Variants in NOTCH2 observed in about 807,000 individuals in gnomAD.
NOTCH2 encodes the protein notch receptor 2.
NOTCH2 carries 29 observed loss-of-function variants against 235.8 expected under a neutral mutation model. That is an observed-to-expected ratio of 0.12 (90% CI 0.09 to 0.17). The LOEUF is 0.17. NOTCH2 is among the 10% of genes least tolerant of loss of function. The pLI is 1.00. For missense variants in NOTCH2, 2,285 were observed against 3,150.2 expected (o/e 0.73, Z 6.57); for synonymous variants, 1,086 against 1,141.5 (o/e 0.95, Z 0.98).
chr1:120,066,731 C>G (rs61790270), intron 1 of NOTCH2, among the ~76,000 whole-genome samples: 4 of 149,624 alleles, frequency 2.7e-5, no homozygotes, highest in Non-Finnish European at 6.0e-5. Flanking sequence ...CAGAGAGATC[C>G]CAAGAAGTTA....
At chr1:119,985,151 C>A (rs1410134050) in intron 5 of NOTCH2, among the ~76,000 whole-genome samples, 5 of 152,044 alleles carry the variant, frequency 3.3e-5, no homozygotes, top group African/African-American at 7.2e-5. Flanking sequence ...GAAGAAGGAT[C>A]TTAGACTTTC....
intron 5 of NOTCH2, among the ~76,000 whole-genome samples, chr1:119,978,265 T>C (rs1411860857): frequency 6.6e-6 from 1 of 152,032 alleles, no homozygotes; most frequent in Non-Finnish European, 1.5e-5. Flanking sequence ...ATTCTTGTGG[T>C]TGAATTATAA....
chr1:120,001,814 C>A (rs1170702547), intron 3 of NOTCH2, among the ~76,000 whole-genome samples: 3 of 152,214 alleles, frequency 2.0e-5, no homozygotes, highest in African/African-American at 7.2e-5. Context: ...AAGGCATTCA[C>A]TTTATGGCTA....
chr1:119,942,047 G>T (rs1650082418), intron 17 of NOTCH2, among the ~76,000 whole-genome samples: 1 of 152,106 alleles, frequency 6.6e-6, no homozygotes, highest in African/African-American at 2.4e-5. Context: ...TCAAATATGT[G>T]CCCCAATACA....
intron 17 of NOTCH2, among the ~76,000 whole-genome samples, chr1:119,943,031 C>A (rs1225346258): frequency 6.6e-6 from 1 of 152,062 alleles, no homozygotes; most frequent in African/African-American, 2.4e-5. Flanking sequence ...TGCCACCACG[C>A]CTGGCTAATT....
chr1:119,947,030 T>C (rs1376003176), intron 17 of NOTCH2, among the ~76,000 whole-genome samples: 1 of 151,962 alleles, frequency 6.6e-6, no homozygotes, highest in Non-Finnish European at 1.5e-5. Context: ...ATGTAAAAAT[T>C]AACTCAAAAC....
chr1:119,947,353 A>C lies in NOTCH2; in HGVS notation c.2752+1061T>G, dbSNP rs587633702. Among the ~76,000 whole-genome samples the C allele has an allele frequency of 1.2e-4, 18 of 152,286 alleles. No homozygotes were observed. The East Asian group carries it at 3.5e-3, about 29-fold the overall frequency. ...ACCTAATTATTTCAAATGGGCAAAAAATTTAAATAGACATTTCACCAACGA... is the reference window on the plus strand; with the variant it reads ...ACCTAATTATTTCAAATGGGCAAAACATTTAAATAGACATTTCACCAACGA... On this transcript the variant is annotated intron_variant, in intron 17 of 33. Transcript: ENST00000256646.
rs141606816 is a variant in NOTCH2, at chr1:119,916,635, C to G, written c.6087G>C (p.Leu2029=). 5.3e-5 allele frequency: 85 copies of G among 1,614,082 alleles called. No individual in the cohort carries two copies. The highest frequency in any genetic ancestry group is 6.5e-5 in the Non-Finnish European group (77 of 1,180,042). The change falls in exon 34 of 34, where the codon CTG becomes CTC. Residue 2029 remains leucine, a synonymous_variant. Coordinates refer to ENST00000256646, the MANE Select transcript of NOTCH2 (RefSeq NM_024408.4). ...REGSYEAAKI[L]LDHFANRDIT... is the part of the protein sequence containing the mutation. Reference sequence around the variant, plus strand: ...TGTCTCGATTGGCAAAATGGTCTAACAGGATCTTGGCTGCTTCATAGCTCC... The same window carrying G: ...TGTCTCGATTGGCAAAATGGTCTAAGAGGATCTTGGCTGCTTCATAGCTCC...
chr1:120,063,801 A>T (rs1237284375), intron 1 of NOTCH2, among the ~76,000 whole-genome samples: 2 of 152,180 alleles, frequency 1.3e-5, no homozygotes, highest in Non-Finnish European at 2.9e-5. Flanking sequence ...CCCAGATGAC[A>T]CTCCAGATGC....
intron 8 of NOTCH2, among the ~76,000 whole-genome samples, chr1:119,967,171 G>A (rs1316364516): frequency 6.6e-6 from 1 of 152,148 alleles, no homozygotes; most frequent in African/African-American, 2.4e-5. Context: ...AATCATTTTT[G>A]AAATTTTCTA....
At chr1:119,936,629 G>A (rs1473106899) in intron 21 of NOTCH2, among the ~76,000 whole-genome samples, 1 of 152,150 alleles carries the variant, frequency 6.6e-6, no homozygotes, top group African/African-American at 2.4e-5. Flanking sequence ...AGAAGCTATC[G>A]TTGGCTCATT....
intron 4 of NOTCH2, among the ~76,000 whole-genome samples, chr1:119,989,546 T>C (rs1351799699): frequency 2.0e-5 from 3 of 152,052 alleles, no homozygotes; most frequent in East Asian, 1.9e-4. Context: ...GTATATAGAA[T>C]GACAGAAAAT....
rs1649044352 is a variant in NOTCH2, at chr1:119,915,769, G to T, written c.6953C>A (p.Pro2318Gln). Residue 2318 changes from proline to glutamine, a missense_variant, in exon 34 of 34, where the codon CCA becomes CAA. This residue lies in a region of NOTCH2 where 504 missense variants were observed against 538.0 expected (regional missense o/e 0.94). Transcript: ENST00000256646. ...GGACTGAGGCTGGGGAGCCCCCGCT[G>T]GTTGGGCAATACTGCCTTTAGGGAT... ...QLIPKGSIAQPAGAPQPQSTC... is the reference protein window; with the variant it reads ...QLIPKGSIAQQAGAPQPQSTC... 6.2e-7 allele frequency: 1 copy of T among 1,608,926 alleles called. No individual in the cohort carries two copies. Among genetic ancestry groups the T allele is most frequent in the Non-Finnish European group, 8.5e-7 (1 of 1,176,224 alleles).
chr1:119,999,917 GAGAAAGAA>G (rs71260137), intron 3 of NOTCH2, among the ~76,000 whole-genome samples: 4,052 of 90,720 alleles, frequency 0.045, 240 homozygotes, highest in Admixed American at 0.079. Context: ...GAGAAAGAGA[GAGAAAGAA>G]AGAAAGAAAG....
Position 120,005,472 on chromosome 1 carries a change from C to T in NOTCH2, c.272G>A (p.Arg91Gln), listed in dbSNP as rs143195893. 8.1e-6 allele frequency: 13 copies of T among 1,613,744 alleles called. No individual in the cohort carries two copies. Among genetic ancestry groups the T allele is most frequent in the South Asian group, 4.4e-5 (4 of 91,042 alleles). The change falls in exon 3 of 34, where the codon CGA becomes CAA. Residue 91 changes from arginine to glutamine, a missense_variant. Physicochemically the swap from Arg to Gln is conservative, Grantham distance 43 (BLOSUM62 1). This residue lies in a region of NOTCH2 where 431 missense variants were observed against 757.8 expected (regional missense o/e 0.57). Coordinates refer to ENST00000256646, the MANE Select transcript of NOTCH2 (RefSeq NM_024408.4). ...AQAMLGKATC[R>Q]CASGFTGEDC... ...CTCTCCTGTAAACCCTGAGGCACAT[C>T]GGCACGTGGCTTTCCCCAGCATGGC...
chr1:119,971,502 A>C (rs995934095), intron 5 of NOTCH2, among the ~76,000 whole-genome samples: 7 of 152,222 alleles, frequency 4.6e-5, no homozygotes, highest in Non-Finnish European at 8.8e-5. Flanking sequence ...GCTGGTCTGC[A>C]GAGAAAGTGA....
chr1:119,961,125 C>A (rs909027934), intron 11 of NOTCH2, among the ~76,000 whole-genome samples: 1 of 152,164 alleles, frequency 6.6e-6, no homozygotes, highest in Admixed American at 6.5e-5. Flanking sequence ...ACAGGGCTGA[C>A]CTGCACAGTG....
rs1427324845 is a variant in NOTCH2 at position 120,047,251 on chromosome 1, CA to C, written c.74-17265del. ...AGATTCAACTTCCCTTTTCAGGTTT[CA>C]TCGACATCCCTGAAGGTTCCATAGC... On this transcript the variant is annotated intron_variant, in intron 1 of 33. Coordinates refer to ENST00000256646, the MANE Select transcript of NOTCH2 (RefSeq NM_024408.4). Among the ~76,000 whole-genome samples, 4 of 38,018 alleles carry C rather than the reference CA, an allele frequency of 1.1e-4. No homozygotes were observed. The East Asian group carries it at 1.7e-3, about 16-fold the overall frequency. The allele number at this position is 38,018 out of a possible 152,430, so 24.9% of individuals were successfully genotyped here. A position where few individuals can be genotyped will look rare whatever the true frequency, so the allele number is the denominator to read the frequency against.
intron 32 of NOTCH2, 79 bp downstream of exon 32, chr1:119,918,327 A>G: frequency 6.6e-7 from 1 of 1,508,524 alleles, no homozygotes; most frequent in Non-Finnish European, 9.2e-7. Flanking sequence ...GCAGTTCTCT[A>G]AGGGTCACGT....
Sources: gnomAD v4.1 joint callset for allele counts (sites outside exome capture counted in the v4.1 genomes callset) on GRCh38, gnomAD v4.1.1 for gene constraint, gnomAD v4.1.1 regional missense constraint, MANE v1.5 for transcripts, NCBI Gene and HGNC (gene_info 2026-07-23, HGNC 2026-07-21) for gene names.